UBE3C: variants seen among roughly 807,000 people sequenced by gnomAD.
The protein encoded by UBE3C is ubiquitin-protein ligase E3C.
Under a neutral mutation model 129.4 loss-of-function variants are expected in UBE3C, and 42 were observed. The ratio of observed to expected loss-of-function variants is 0.32; its 90% confidence interval spans 0.25 to 0.42. The LOEUF (loss-of-function observed/expected upper bound fraction) is 0.42, where lower values mean the gene tolerates loss of function less well. Ranked by LOEUF, UBE3C falls within the 10% of genes least tolerant of loss-of-function variation. UBE3C has a pLI of 1.00. For synonymous variants in UBE3C, 510 were observed against 492.4 expected, an observed-to-expected ratio of 1.04 and a Z score of -0.47; for missense variants, 1,049 against 1,319.1, an observed-to-expected ratio of 0.80 and a Z score of 3.17.
At chr7:157,210,314 T>C (rs1809556562) in intron 13 of UBE3C, among the ~76,000 whole-genome samples, 1 of 152,184 alleles carries the variant, frequency 6.6e-6, no homozygotes, top group African/African-American at 2.4e-5. Flanking sequence ...TTCTGTTCTT[T>C]GGTCACCTGT....
intron 4 of UBE3C, among the ~76,000 whole-genome samples, chr7:157,173,988 GA>G (rs1207719994): frequency 2.0e-5 from 3 of 152,196 alleles, no homozygotes; most frequent in Admixed American, 6.5e-5. Context: ...TTATGGCAAA[GA>G]AATGTTAATG....
chr7:157,244,078 A>C lies in UBE3C; in HGVS notation c.2482-4290A>C, dbSNP rs61590554. The stretch of plus-strand genomic sequence containing the variant: ...AAACCCTGTCTCTACTAAAAATACA[A>C]AAATTTGCTGGGCATGGTATGCGCA... On this transcript the variant is annotated intron_variant, in intron 18 of 22. Coordinates refer to ENST00000348165, the MANE Select transcript of UBE3C (RefSeq NM_014671.3). 4.9e-3 allele frequency among the ~76,000 whole-genome samples: 739 copies of C among 152,244 alleles called. 5 individuals carry two copies. The highest frequency in any genetic ancestry group is 0.017 in the African/African-American group (704 of 41,516).
intron 1 of UBE3C, among the ~76,000 whole-genome samples, chr7:157,156,487 C>G (rs373497436): frequency 6.6e-6 from 1 of 151,280 alleles, no homozygotes; most frequent in East Asian, 1.9e-4. Context: ...TTGTATTTTT[C>G]ATAGAGACAG....
At chr7:157,158,558 T>C (rs191275652) in intron 1 of UBE3C, among the ~76,000 whole-genome samples, 2 of 152,306 alleles carry the variant, frequency 1.3e-5, no homozygotes, top group East Asian at 3.9e-4. Context: ...ACAAAGCAAA[T>C]AAAATAATGG....
intron 4 of UBE3C, among the ~76,000 whole-genome samples, chr7:157,174,468 G>A (rs991848002): frequency 6.6e-6 from 1 of 152,000 alleles, no homozygotes; most frequent in Non-Finnish European, 1.5e-5. Flanking sequence ...TTTTTTTGGA[G>A]ACAGGGTCTC....
chr7:157,240,268 T>C (rs1796274300), intron 18 of UBE3C, among the ~76,000 whole-genome samples: 1 of 152,200 alleles, frequency 6.6e-6, no homozygotes, highest in Non-Finnish European at 1.5e-5. Context: ...TTGGCCAGGC[T>C]GGTCTCGAAT....
At chr7:157,192,241 G>A in intron 10 of UBE3C, 1 of 325,176 alleles carries the variant, frequency 3.1e-6, no homozygotes, top group South Asian at 3.1e-5. Flanking sequence ...CTTGGAAGAA[G>A]CATATTCCAC....
chr7:157,212,848 C>A (rs527303777), intron 13 of UBE3C, among the ~76,000 whole-genome samples: 6 of 152,138 alleles, frequency 3.9e-5, no homozygotes, highest in African/African-American at 1.4e-4. Context: ...ACCTCCACCC[C>A]CCAGGCTCAA....
At chr7:157,256,859 C>T in intron 21 of UBE3C, 55 bp from the exon 22 acceptor site, 1 of 1,607,146 alleles carries the variant, frequency 6.2e-7, no homozygotes, top group Non-Finnish European at 8.5e-7. Context: ...CCCTGTGGGT[C>T]CTGAAGGGTG....
Position 157,225,133 on chromosome 7 carries a change from G to C in UBE3C, c.2101-274G>C, listed in dbSNP as rs1002886489. Among the ~76,000 whole-genome samples, 3 of 152,240 alleles carry C rather than the reference G, an allele frequency of 2.0e-5. No individual in the cohort carries two copies. In the East Asian group the frequency reaches 5.8e-4, roughly 29 times the overall value. On this transcript the variant is annotated intron_variant, in intron 16 of 22. Transcript: ENST00000348165. ...TTCTCGTGCCTCAGCCTCCCAAGTA[G>C]CTGGGATTACAGGCATGAGCCAATG...
At chr7:157,212,509 TATG>T (rs1809623031) in intron 13 of UBE3C, among the ~76,000 whole-genome samples, 1 of 152,252 alleles carries the variant, frequency 6.6e-6, no homozygotes, top group African/African-American at 2.4e-5. Flanking sequence ...AAGATTTTCT[TATG>T]ATCATCATTG....
chr7:157,144,363 A>T (rs1807542984), intron 1 of UBE3C, among the ~76,000 whole-genome samples: 1 of 152,188 alleles, frequency 6.6e-6, no homozygotes. Flanking sequence ...AGATTGGATG[A>T]TAGAGGGAAA....
At chr7:157,149,547 C>A (rs1233492400) in intron 1 of UBE3C, among the ~76,000 whole-genome samples, 2 of 152,158 alleles carry the variant, frequency 1.3e-5, no homozygotes, top group Non-Finnish European at 2.9e-5. Flanking sequence ...TGCACTGGCA[C>A]ATCCCTGAGA....
chr7:157,169,328 C>G (rs1808301738), intron 3 of UBE3C, among the ~76,000 whole-genome samples: 1 of 151,248 alleles, frequency 6.6e-6, no homozygotes, highest in Non-Finnish European at 1.5e-5. Flanking sequence ...AAACATGGGC[C>G]TCACCACAGT....
At chr7:157,243,619 G>A (rs548166036) in intron 18 of UBE3C, among the ~76,000 whole-genome samples, 25 of 152,274 alleles carry the variant, frequency 1.6e-4, no homozygotes, top group Non-Finnish European at 2.8e-4. Context: ...CATGTGAGGC[G>A]CAGGGGACAC....
intron 4 of UBE3C, among the ~76,000 whole-genome samples, chr7:157,171,932 C>G (rs1394892211): frequency 6.6e-6 from 1 of 151,102 alleles, no homozygotes; most frequent in South Asian, 2.1e-4. Context: ...GTCTCGAACT[C>G]CTGGCCTCAG....
chr7:157,180,060 C>G (rs1808627245), intron 6 of UBE3C, among the ~76,000 whole-genome samples: 3 of 152,116 alleles, frequency 2.0e-5, no homozygotes, highest in African/African-American at 7.2e-5. Flanking sequence ...AAGAAATATG[C>G]ATTATTTGAA....
intron 17 of UBE3C, among the ~76,000 whole-genome samples, chr7:157,228,424 CTG>C (rs1434899242): frequency 6.6e-6 from 1 of 152,234 alleles, no homozygotes; most frequent in Non-Finnish European, 1.5e-5. Context: ...GGAGCTCACT[CTG>C]TCATTGACTC....
intron 19 of UBE3C, among the ~76,000 whole-genome samples, chr7:157,249,885 T>TGTTCCAAAATCCAAAAC (rs1176551903): frequency 5.1e-4 from 78 of 152,198 alleles, no homozygotes; most frequent in Admixed American, 1.1e-3. Flanking sequence ...AAATCCAAAA[T>TGTTCCAAAATCCAAAAC]GTTCCAAAAT....
Sources: allele counts gnomAD v4.1 joint callset (sites outside exome capture counted in the v4.1 genomes callset), GRCh38; gene constraint gnomAD v4.1.1; transcripts MANE v1.5; gene names NCBI Gene and HGNC (gene_info 2026-07-23, HGNC 2026-07-21).